PARD3B: variants seen among roughly 807,000 people sequenced by gnomAD.
PARD3B encodes the protein partitioning defective 3 homolog B.
PARD3B carries 103 observed loss-of-function variants against 130.2 expected under a neutral mutation model. The observed-to-expected ratio is 0.79, with a 90% CI of 0.67 to 0.93. PARD3B has a LOEUF of 0.93. Ranked by LOEUF, PARD3B falls within the 40% of genes least tolerant of loss-of-function variation. The pLI is 0.00. For missense variants in PARD3B, 1,609 were observed against 1,499.2 expected (o/e 1.07, Z -1.21); for synonymous variants, 583 against 553.2 (o/e 1.05, Z -0.76).
In PARD3B at chr2:205,122,829, T is replaced by C. The variant is rs935314975; in HGVS notation, c.1165+880T>C. ...CTGGAAAGATTCTCTGATCAAAATT[T>C]CATTCACCTATAAGAATTCTATTCT... On this transcript the variant is annotated intron_variant, in intron 8 of 22. Transcript: ENST00000406610. The surrounding 1 kb of genome is among the most constrained non-coding windows in gnomAD (Gnocchi z 4.3). Among the ~76,000 whole-genome samples, 5 of 152,228 alleles carry C rather than the reference T, an allele frequency of 3.3e-5. No individual in the cohort carries two copies. Among genetic ancestry groups the C allele is most frequent in the Admixed American group, 1.3e-4 (2 of 15,282 alleles).
chr2:205,204,432 GT>G (rs2125832200), intron 15 of PARD3B, among the ~76,000 whole-genome samples: 1 of 152,010 alleles, frequency 6.6e-6, no homozygotes, highest in Admixed American at 6.5e-5. Context: ...TTCTTTTGCT[GT>G]GCAGAAGCTC....
At chr2:204,734,857 T>C (rs974004527) in intron 2 of PARD3B, among the ~76,000 whole-genome samples, 1 of 151,968 alleles carries the variant, frequency 6.6e-6, no homozygotes, top group African/African-American at 2.4e-5. Flanking sequence ...AAACTCAAAC[T>C]TTACCACTGA....
chr2:205,357,225 G>A (rs1482710032), intron 18 of PARD3B, among the ~76,000 whole-genome samples: 1 of 152,156 alleles, frequency 6.6e-6, no homozygotes, highest in Non-Finnish European at 1.5e-5. Flanking sequence ...ATCATAATTA[G>A]CCTTAAATAG....
chr2:205,018,327 G>A (rs1696314905), intron 3 of PARD3B, among the ~76,000 whole-genome samples: 1 of 152,058 alleles, frequency 6.6e-6, no homozygotes, highest in Admixed American at 6.6e-5. Flanking sequence ...TTTACCTTTA[G>A]CATAATTGTT....
intron 3 of PARD3B, among the ~76,000 whole-genome samples, chr2:205,036,163 G>C (rs1575602450): frequency 1.4e-5 from 2 of 144,224 alleles, no homozygotes; most frequent in East Asian, 4.0e-4. Context: ...AAAATATGTA[G>C]TATATAGTGG....
chr2:204,934,284 T>C (rs897906708), intron 2 of PARD3B, among the ~76,000 whole-genome samples: 4 of 152,216 alleles, frequency 2.6e-5, no homozygotes, highest in African/African-American at 9.6e-5. Flanking sequence ...AAAATATGTT[T>C]AATGCAGCAT....
intron 20 of PARD3B, among the ~76,000 whole-genome samples, chr2:205,478,042 T>C (rs965111): frequency 1 from 152,381 of 152,384 alleles, 76,189 homozygotes; most frequent in Non-Finnish European, 1. Context: ...CCCACTCCAC[T>C]TCATCCAACC....
In PARD3B at chr2:205,238,749, T is replaced by C. The variant is rs1442138969; in HGVS notation, c.2141-7029T>C. On this transcript the variant is annotated intron_variant, in intron 15 of 22. Coordinates refer to ENST00000406610, the MANE Select transcript of PARD3B (RefSeq NM_001302769.2). The stretch of plus-strand genomic sequence containing the variant: ...TGGGAGGCTGAGGCAGGAGAATCAC[T>C]TAAACCCAGGAGGCAGAGGTTGCAG... 3.4e-5 allele frequency among the ~76,000 whole-genome samples: 5 copies of C among 145,636 alleles called. No homozygotes were observed. In the East Asian group the frequency reaches 1.0e-3, roughly 30 times the overall value.
At chr2:204,762,867 TCTC>T (rs2040969834) in intron 2 of PARD3B, among the ~76,000 whole-genome samples, 1 of 151,934 alleles carries the variant, frequency 6.6e-6, no homozygotes, top group African/African-American at 2.4e-5. Context: ...TTCAAACGAT[TCTC>T]CTGCCTCAGC....
rs199911639 is a variant in PARD3B, at chr2:204,828,369, T to C, written c.223-136783T>C. 7.9e-5 allele frequency among the ~76,000 whole-genome samples: 12 copies of C among 152,308 alleles called. 1 individual carries two copies. In the East Asian group the frequency reaches 1.7e-3, roughly 22 times the overall value. The stretch of plus-strand genomic sequence containing the variant: ...GGCTCAGTTTTTGCCCTGTGTTCTT[T>C]CTCTGCTCCAGTGATTCTCAACCCT... On this transcript the variant is annotated intron_variant, in intron 2 of 22. Coordinates refer to ENST00000406610, the MANE Select transcript of PARD3B (RefSeq NM_001302769.2).
At chr2:205,144,328 T>A (rs1425791060) in intron 10 of PARD3B, among the ~76,000 whole-genome samples, 1 of 152,194 alleles carries the variant, frequency 6.6e-6, no homozygotes, top group Non-Finnish European at 1.5e-5. Flanking sequence ...AGCCAACCTG[T>A]AGATATATGA....
chr2:205,493,605 AC>A (rs1488525735), intron 20 of PARD3B, among the ~76,000 whole-genome samples: 1 of 152,134 alleles, frequency 6.6e-6, no homozygotes, highest in Non-Finnish European at 1.5e-5. Context: ...TGTTGTTGAC[AC>A]GCATACATCC....
At chr2:204,699,496 G>A (rs970210902) in intron 2 of PARD3B, among the ~76,000 whole-genome samples, 10 of 152,086 alleles carry the variant, frequency 6.6e-5, no homozygotes, top group African/African-American at 2.4e-4. Flanking sequence ...GTATATTTAG[G>A]AAGATTGGAG....
chr2:204,582,129 T>C (rs1041877632), intron 1 of PARD3B, among the ~76,000 whole-genome samples: 2 of 152,188 alleles, frequency 1.3e-5, no homozygotes, highest in African/African-American at 4.8e-5. Flanking sequence ...TCCCAAGGTA[T>C]GAGGCACCTC....
At chr2:205,515,688 G>A (rs1559167232) in intron 21 of PARD3B, among the ~76,000 whole-genome samples, 4 of 151,898 alleles carry the variant, frequency 2.6e-5, no homozygotes, top group Admixed American at 1.3e-4. Context: ...TATAGATGCT[G>A]GATATTAAAC....
chr2:204,771,873 A>G (rs2041402691), intron 2 of PARD3B, among the ~76,000 whole-genome samples: 2 of 152,032 alleles, frequency 1.3e-5, no homozygotes, highest in Admixed American at 1.3e-4. Context: ...ATCACATAAG[A>G]TGGTATGTGC....
intron 21 of PARD3B, among the ~76,000 whole-genome samples, chr2:205,524,289 C>T (rs1241737339): frequency 6.6e-6 from 1 of 152,074 alleles, no homozygotes; most frequent in East Asian, 1.9e-4. Flanking sequence ...TTGAAGTCTC[C>T]TTGATTCTCA....
intron 18 of PARD3B, among the ~76,000 whole-genome samples, chr2:205,320,134 C>A (rs543123715): frequency 8.2e-4 from 121 of 147,278 alleles, no homozygotes; most frequent in Non-Finnish European, 1.4e-3. Context: ...CCGCTGCACT[C>A]CAGCCTGGGC....
At chr2:205,481,016 G>C (rs2106288610) in intron 20 of PARD3B, among the ~76,000 whole-genome samples, 1 of 152,224 alleles carries the variant, frequency 6.6e-6, no homozygotes, top group East Asian at 1.9e-4. Flanking sequence ...GAGTGAGAAA[G>C]AATCTCTCTG....
Sources: allele counts gnomAD v4.1 joint callset (sites outside exome capture counted in the v4.1 genomes callset), GRCh38; gene constraint gnomAD v4.1.1; non-coding constraint Gnocchi (gnomAD v3.1); transcripts MANE v1.5; gene names NCBI Gene and HGNC (gene_info 2026-07-23, HGNC 2026-07-21).